The following KREMEN2 variants were observed in gnomAD, a reference collection of about 807,000 sequenced individuals.
KREMEN2 encodes the protein kremen protein 2.
KREMEN2 carries 43 observed loss-of-function variants against 49.8 expected under a neutral mutation model. The observed-to-expected ratio is 0.86, with a 90% CI of 0.68 to 1.11. The LOEUF (loss-of-function observed/expected upper bound fraction) is 1.11, where lower values mean the gene tolerates loss of function less well. Ranked by LOEUF, KREMEN2 falls within the 50% of genes most tolerant of loss-of-function variation. The pLI is 0.00. For synonymous variants in KREMEN2, 355 were observed against 304.9 expected (o/e 1.16, Z -1.71); for missense variants, 686 against 665.7 (o/e 1.03, Z -0.34).
Position 2,967,964 on chromosome 16 carries a change from C to T in KREMEN2, c.1333C>T (p.Arg445Trp), listed in dbSNP as rs368944492. The T allele has an allele frequency of 1.9e-6, 3 of 1,586,264 alleles. No homozygotes were observed. Among genetic ancestry groups the T allele is most frequent in the African/African-American group, 1.3e-5 (1 of 74,652 alleles). The change falls in exon 9 of 9, where the codon CGG (arginine) becomes TGG (tryptophan). Residue 445 changes from arginine (R) to tryptophan (W), a missense_variant. Physicochemically the swap from Arg to Trp is moderately radical, Grantham distance 101. Coordinates refer to ENST00000303746, the MANE Select transcript of KREMEN2 (RefSeq NM_172229.3). The part of the protein sequence containing the change: ...PQAEGSAAGY[R>W]PLSASSQSSL... ...GGCTGAGGGTTCTGCCGCGGGCTACCGGCCTCTGAGTGCCTCCAGCCAGAG... is the reference window on the plus strand; with the variant it reads ...GGCTGAGGGTTCTGCCGCGGGCTACTGGCCTCTGAGTGCCTCCAGCCAGAG...
chr16:2,967,381 GC>G lies in KREMEN2; in HGVS notation c.1039del (p.Leu347SerfsTer6). On this transcript the variant is annotated frameshift_variant, in exon 7 of 9. Transcript: ENST00000303746. LOFTEE classifies it high-confidence loss of function. The stretch of plus-strand genomic sequence containing the variant: ...AGGGCTCGGCCCAGACCCCCGCGGC[GC>G]CCCTCGACGGGGCCAACGTGAGCTG... ...PEGSAQTPAA[P>X]LDGANVSCSP... The G allele has an allele frequency of 1.4e-6, 2 of 1,399,226 alleles. No homozygotes were observed. Among genetic ancestry groups the G allele is most frequent in the Non-Finnish European group, 1.8e-6 (2 of 1,088,400 alleles). 86.7% of individuals were successfully genotyped at this position (1,399,226 alleles called of 1,614,324 possible). A position where few individuals can be genotyped will look rare whatever the true frequency, so the allele number is the denominator to read the frequency against.
In KREMEN2 at chr16:2,966,927, CA is replaced by C. The variant is rs1310342369; in HGVS notation, c.659del (p.Gln220ArgfsTer133). ...GCCCGCAGTGTCGGTGGGCTCCTGC[CA>C]GGGGAACTGGACAGCGCCTCAGGGC... ...GVYEVSVGSC[Q>X]GNWTAPQGVI... On this transcript the variant is annotated frameshift_variant, in exon 6 of 9. Coordinates refer to ENST00000303746, the MANE Select transcript of KREMEN2 (RefSeq NM_172229.3). LOFTEE classifies it high-confidence loss of function. The surrounding 1 kb of genome is among the most constrained non-coding windows in gnomAD (Gnocchi z 8.4). 1 of 1,549,806 alleles carries C rather than the reference CA, an allele frequency of 6.5e-7. No homozygotes were observed. Among genetic ancestry groups the C allele is most frequent in the East Asian group, 2.3e-5 (1 of 42,794 alleles).
At position 2,968,246 on chromosome 16, in the gene KREMEN2, G is replaced by T. The variant is rs1205184995; in HGVS notation, c.*226G>T. 2.0e-6 allele frequency: 2 copies of T among 977,988 alleles called. No homozygotes were observed. Among genetic ancestry groups the T allele is most frequent in the African/African-American group, 1.6e-5 (1 of 61,860 alleles). 60.6% of individuals were successfully genotyped at this position (977,988 alleles called of 1,614,324 possible). On this transcript the variant is annotated 3_prime_UTR_variant, in exon 9 of 9. Transcript: ENST00000303746. ...CCCTCTCCATGGACCTGTATGTGGG[G>T]GTGGTCTCTGGTTTCGGAGGTCTTT...
In KREMEN2 at chr16:2,966,159, C is replaced by T; in HGVS notation, c.289C>T (p.Gln97Ter). The T allele has an allele frequency of 6.2e-7, 1 of 1,612,312 alleles. No homozygotes were observed. The highest frequency in any genetic ancestry group is 8.5e-7 in the Non-Finnish European group (1 of 1,179,978). The change falls in exon 3 of 9, where the codon CAG becomes TAG. Residue 97 changes from glutamine (Q) to a stop codon, truncating the protein, a stop_gained. Coordinates refer to ENST00000303746, the MANE Select transcript of KREMEN2 (RefSeq NM_172229.3). LOFTEE classifies it high-confidence loss of function. This position sits in a 1 kb window ranked among gnomAD's most constrained non-coding sequence, Gnocchi z 8.4. ...CCGCAGTAACCCAGACGGTGACGTG[C>T]AGCCGTGGTGCTACGTGGCTGAGAC... The part of the protein sequence containing the change: ...NFCRNPDGDV[Q>*]PWCYVAETEE...
At position 2,967,256 on chromosome 16, in the gene KREMEN2, C is replaced by T; in HGVS notation, c.973+14C>T. 6 of 1,352,652 alleles carry T rather than the reference C, an allele frequency of 4.4e-6. No individual in the cohort carries two copies. Among genetic ancestry groups the T allele is most frequent in the Non-Finnish European group, 4.7e-6 (5 of 1,060,770 alleles). 83.8% of individuals were successfully genotyped at this position (1,352,652 alleles called of 1,614,324 possible). ...TCACCTACCGCGGTGAGCCTCAGCTCGGCGCGCCCTGCCCGCTGTTCCCAC... is the reference window on the plus strand; with the variant it reads ...TCACCTACCGCGGTGAGCCTCAGCTTGGCGCGCCCTGCCCGCTGTTCCCAC... On this transcript the variant is annotated intron_variant, in intron 6 of 8. Coordinates refer to ENST00000303746, the MANE Select transcript of KREMEN2 (RefSeq NM_172229.3).
chr16:2,967,675 G>C (rs2071862502), intron 8 of KREMEN2, 71 bp downstream of exon 8: 2 of 1,544,306 alleles, frequency 1.3e-6, no homozygotes. Flanking sequence ...AGGGAACAGA[G>C]CTAGGAAGGA....
At chr16:2,967,295 C>T (rs1311425116) in intron 6 of KREMEN2, 25 bp from the exon 7 acceptor site, 5 of 1,368,184 alleles carry the variant, frequency 3.7e-6, no homozygotes, top group Non-Finnish European at 3.7e-6. Flanking sequence ...GCTCTCCCCA[C>T]CCCGCCTCAC....
At chr16:2,965,113 C>G in intron 2 of KREMEN2, 80 bp downstream of exon 2, 1 of 912,900 alleles carries the variant, frequency 1.1e-6, no homozygotes, top group Non-Finnish European at 1.3e-6. Flanking sequence ...TCCGTGCGGG[C>G]GGGGTGGAGG....
chr16:2,967,828 G>C lies in KREMEN2; in HGVS notation c.1197G>C (p.Pro399=). The C allele has an allele frequency of 6.4e-7, 1 of 1,550,792 alleles. No homozygotes were observed. The highest frequency in any genetic ancestry group is 1.4e-5 in the African/African-American group (1 of 73,200). The change falls in exon 9 of 9, where the codon CCG becomes CCC. Residue 399 remains proline (P), a synonymous_variant. Coordinates refer to ENST00000303746, the MANE Select transcript of KREMEN2 (RefSeq NM_172229.3). ...PLRRRSCLLA[P]GKGPPALGAS... ...TCTCTAGGAGCTGTCTGCTGGCTCC[G>C]GGAAAAGGGCCCCCGGCGCTGGGGG...
chr16:2,968,136 CTTGG>C lies in KREMEN2; in HGVS notation c.*117_*120del. 8.7e-7 allele frequency: 1 copy of C among 1,143,844 alleles called. No homozygotes were observed. The highest frequency in any genetic ancestry group is 1.3e-6 in the Non-Finnish European group (1 of 795,136). 70.9% of individuals were successfully genotyped at this position (1,143,844 alleles called of 1,614,324 possible). A position where few individuals can be genotyped will look rare whatever the true frequency, so the allele number is the denominator to read the frequency against. On this transcript the variant is annotated 3_prime_UTR_variant, in exon 9 of 9. Transcript: ENST00000303746. ...TAGGGGCAGCTCGGCCTCTGGTCGC[CTTGG>C]GGAGACCAAAAGTCGGACAGGAAAC...
In KREMEN2 at chr16:2,966,239, G is replaced by T. The variant is rs775475275; in HGVS notation, c.361+8G>T. 1 of 1,613,364 alleles carries T rather than the reference G, an allele frequency of 6.2e-7. No individual in the cohort carries two copies. Among genetic ancestry groups the T allele is most frequent in the South Asian group, 1.1e-5 (1 of 91,056 alleles). ...ACATCCCCTCCTGTCACAGTGAGTAGCGCGGCTGGACAGAGGTGGGAACGC... is the reference window on the plus strand; with the variant it reads ...ACATCCCCTCCTGTCACAGTGAGTATCGCGGCTGGACAGAGGTGGGAACGC... On this transcript the variant is annotated splice_region_variant and intron_variant, in intron 3 of 8. Transcript: ENST00000303746. The surrounding 1 kb of genome is among the most constrained non-coding windows in gnomAD (Gnocchi z 8.4).
Position 2,964,633 on chromosome 16 carries a change from G to A in KREMEN2, c.94+19G>A. On this transcript the variant is annotated intron_variant, in intron 1 of 8. Coordinates refer to ENST00000303746, the MANE Select transcript of KREMEN2 (RefSeq NM_172229.3). ...AGTCCAGGTAAGTCCCCGCACGGCTGTCGGGCCGTGTTCACCACCCCTTCC... is the reference window on the plus strand; with the variant it reads ...AGTCCAGGTAAGTCCCCGCACGGCTATCGGGCCGTGTTCACCACCCCTTCC... 6.4e-7 allele frequency: 1 copy of A among 1,558,630 alleles called. No individual in the cohort carries two copies. The highest frequency in any genetic ancestry group is 8.7e-7 in the Non-Finnish European group (1 of 1,152,130).
chr16:2,967,334 G>A lies in KREMEN2; in HGVS notation c.988G>A (p.Ala330Thr). The A allele has an allele frequency of 1.4e-6, 2 of 1,400,962 alleles. No individual in the cohort carries two copies. The highest frequency in any genetic ancestry group is 1.8e-6 in the Non-Finnish European group (2 of 1,088,384). The allele number at this position is 1,400,962 out of a possible 1,614,324, so 86.8% of individuals were successfully genotyped here. A position where few individuals can be genotyped will look rare whatever the true frequency, so the allele number is the denominator to read the frequency against. Residue 330 changes from alanine to threonine, a missense_variant, in exon 7 of 9, where the codon GCT becomes ACT. Ala to Thr is a moderately conservative substitution (Grantham distance 58). Transcript: ENST00000303746. ...ALTYRGLQDAAEDPEAPEGSA... is the reference protein window; with the variant it reads ...ALTYRGLQDATEDPEAPEGSA... Reference sequence around the variant, plus strand: ...CCTCTCCGCAGGGCTGCAGGACGCCGCTGAGGACCCAGAGGCCCCCGAGGG... The same window carrying A: ...CCTCTCCGCAGGGCTGCAGGACGCCACTGAGGACCCAGAGGCCCCCGAGGG...
In KREMEN2 at chr16:2,966,953, C is replaced by T. The variant is rs754045323; in HGVS notation, c.684C>T (p.Gly228=). 27 of 1,556,914 alleles carry T rather than the reference C, an allele frequency of 1.7e-5. No individual in the cohort carries two copies. Among genetic ancestry groups the T allele is most frequent in the Non-Finnish European group, 2.2e-5 (25 of 1,150,364 alleles). Residue 228 remains glycine (G), a synonymous_variant, in exon 6 of 9, where the codon GGC becomes GGT. Coordinates refer to ENST00000303746, the MANE Select transcript of KREMEN2 (RefSeq NM_172229.3). This position sits in a 1 kb window ranked among gnomAD's most constrained non-coding sequence, Gnocchi z 8.4. The stretch of plus-strand genomic sequence containing the variant: ...AGGGGAACTGGACAGCGCCTCAGGG[C>T]GTCATCTACTCCCCGGACTTCCCGG... ...SCQGNWTAPQ[G]VIYSPDFPDE... is the part of the protein sequence containing the mutation.
Position 2,967,409 on chromosome 16 carries a change from A to T in KREMEN2, c.1063A>T (p.Ser355Cys). ...CCTCGACGGGGCCAACGTGAGCTGC[A>T]GCCCCAGGCCTGGGGCTCCGCCGGC... ...APLDGANVSC[S>C]PRPGAPPAAI... is the part of the protein sequence containing the mutation. Residue 355 changes from serine to cysteine, a missense_variant, in exon 7 of 9, where the codon AGC becomes TGC. Ser to Cys is a moderately radical substitution (Grantham distance 112, BLOSUM62 -1). Coordinates refer to ENST00000303746, the MANE Select transcript of KREMEN2 (RefSeq NM_172229.3). 1 of 1,397,930 alleles carries T rather than the reference A, an allele frequency of 7.2e-7. No homozygotes were observed. Among genetic ancestry groups the T allele is most frequent in the African/African-American group, 1.5e-5 (1 of 65,380 alleles). The allele number at this position is 1,397,930 out of a possible 1,614,324, so 86.6% of individuals were successfully genotyped here.
At position 2,967,318 on chromosome 16, in the gene KREMEN2, A is replaced by G; in HGVS notation, c.974-2A>G. 7.3e-7 allele frequency: 1 copy of G among 1,376,282 alleles called. No individual in the cohort carries two copies. The highest frequency in any genetic ancestry group is 9.3e-7 in the Non-Finnish European group (1 of 1,075,874). The allele number at this position is 1,376,282 out of a possible 1,614,324, so 85.3% of individuals were successfully genotyped here. A position where few individuals can be genotyped will look rare whatever the true frequency, so the allele number is the denominator to read the frequency against. ...CACCCCGCCTCACGCCCCTCTCCGC[A>G]GGGCTGCAGGACGCCGCTGAGGACC... On this transcript the variant is annotated splice_acceptor_variant, in intron 6 of 8. Transcript: ENST00000303746. LOFTEE classifies it high-confidence loss of function.
chr16:2,967,581 G>A lies in KREMEN2; in HGVS notation c.1155G>A (p.Gly385=). Residue 385 remains glycine (G), a synonymous_variant, in exon 8 of 9, where the codon GGG becomes GGA. Transcript: ENST00000303746. The stretch of plus-strand genomic sequence containing the variant: ...CGGTGCTGCTGCTGCTGCTCCTGGG[G>A]CTGCTGCGTCCGCTGCGCCGACGGT... ...AVSVLLLLLL[G]LLRPLRRRSC... The A allele has an allele frequency of 6.5e-7, 1 of 1,529,160 alleles. No individual in the cohort carries two copies. The highest frequency in any genetic ancestry group is 8.7e-7 in the Non-Finnish European group (1 of 1,143,960). 94.7% of individuals were successfully genotyped at this position (1,529,160 alleles called of 1,614,324 possible). A position where few individuals can be genotyped will look rare whatever the true frequency, so the allele number is the denominator to read the frequency against.
Position 2,967,957 on chromosome 16 carries a change from G to C in KREMEN2, c.1326G>C (p.Ala442=), listed in dbSNP as rs987890635. Residue 442 remains alanine (A), a synonymous_variant, in exon 9 of 9, where the codon GCG becomes GCC. Transcript: ENST00000303746. ...PGDPQAEGSA[A]GYRPLSASSQ... is the part of the protein sequence containing the mutation. The stretch of plus-strand genomic sequence containing the variant: ...ACCCCCAGGCTGAGGGTTCTGCCGC[G>C]GGCTACCGGCCTCTGAGTGCCTCCA... 12 of 1,586,410 alleles carry C rather than the reference G, an allele frequency of 7.6e-6. No homozygotes were observed. Among genetic ancestry groups the C allele is most frequent in the South Asian group, 1.1e-5 (1 of 87,450 alleles).
intron 2 of KREMEN2, among the ~76,000 whole-genome samples, chr16:2,965,291 T>C (rs1408268435): frequency 6.6e-6 from 1 of 151,692 alleles, no homozygotes; most frequent in East Asian, 1.9e-4. Context: ...GAAACGGACC[T>C]GGGCACTCAA....
Sources: allele counts gnomAD v4.1 joint callset (sites outside exome capture counted in the v4.1 genomes callset), GRCh38; gene constraint gnomAD v4.1.1; non-coding constraint Gnocchi (gnomAD v3.1); transcripts MANE v1.5; gene names NCBI Gene and HGNC (gene_info 2026-07-23, HGNC 2026-07-21).